The following LEF1 variants were observed in gnomAD, a reference collection of about 807,000 sequenced individuals.
The protein encoded by LEF1 is lymphoid enhancer binding factor 1.
Under a neutral mutation model 51.2 loss-of-function variants are expected in LEF1, and 14 were observed. The ratio of observed to expected loss-of-function variants is 0.27; its 90% CI spans 0.18 to 0.43. The LOEUF (loss-of-function observed/expected upper bound fraction) is 0.43. Among genes scored for constraint, LEF1 ranks in the 20% least tolerant of loss-of-function variants. LEF1 has a pLI of 1.00. For missense variants in LEF1, 386 were observed against 512.0 expected (o/e 0.75, Z 2.37); for synonymous variants, 185 against 183.2 (o/e 1.01, Z -0.08).
intron 3 of LEF1, among the ~76,000 whole-genome samples, chr4:108,128,352 G>A (rs1439507102): frequency 6.6e-6 from 1 of 151,932 alleles, no homozygotes; most frequent in Non-Finnish European, 1.5e-5. Flanking sequence ...GAACAAAGTG[G>A]AACAAGAGCT....
intron 4 of LEF1, among the ~76,000 whole-genome samples, chr4:108,083,810 C>T (rs981242118): frequency 6.6e-6 from 1 of 152,156 alleles, no homozygotes; most frequent in Non-Finnish European, 1.5e-5. Flanking sequence ...TGGAAAATGA[C>T]AGCCCTTCGT....
chr4:108,067,463 G>A (rs886620694), intron 9 of LEF1, among the ~76,000 whole-genome samples: 1 of 151,628 alleles, frequency 6.6e-6, no homozygotes, highest in African/African-American at 2.4e-5. Context: ...AAGGTCATAT[G>A]AGGAAGATTA....
At chr4:108,126,920 C>T (rs1157863852) in intron 3 of LEF1, among the ~76,000 whole-genome samples, 3 of 148,950 alleles carry the variant, frequency 2.0e-5, no homozygotes, top group Non-Finnish European at 4.5e-5. Flanking sequence ...GCTAGTCATA[C>T]AAACATGATC....
chr4:108,148,153 C>T, intron 3 of LEF1, among the ~76,000 whole-genome samples: 1 of 152,136 alleles, frequency 6.6e-6, no homozygotes, highest in East Asian at 1.9e-4. Context: ...TCTTACCAAC[C>T]ATCAGTTAAC....
At chr4:108,130,871 AT>A (rs982777556) in intron 3 of LEF1, among the ~76,000 whole-genome samples, 1 of 152,078 alleles carries the variant, frequency 6.6e-6, no homozygotes, top group South Asian at 2.1e-4. Flanking sequence ...GGCATACAAA[AT>A]TTTTTTTCTT....
At chr4:108,159,753 G>T (rs1477243889) in intron 3 of LEF1, among the ~76,000 whole-genome samples, 1 of 152,146 alleles carries the variant, frequency 6.6e-6, no homozygotes, top group Non-Finnish European at 1.5e-5. Context: ...CCAAAGTGTT[G>T]ATTCCCTTAA....
chr4:108,058,708 A>G lies in LEF1; in HGVS notation c.*6+4915T>C, dbSNP rs1046217152. On this transcript the variant is annotated intron_variant, in intron 11 of 11. Transcript: ENST00000265165. ...GCCACTTCTTCACAGCATAAAACATACTCTTTTATAACTACCCACTTAATA... is the reference window on the plus strand; with the variant it reads ...GCCACTTCTTCACAGCATAAAACATGCTCTTTTATAACTACCCACTTAATA... Among the ~76,000 whole-genome samples the G allele has an allele frequency of 5.3e-5, 8 of 152,118 alleles. No homozygotes were observed. The East Asian group carries it at 1.5e-3, about 29-fold the overall frequency.
chr4:108,118,396 A>G (rs1238615987), intron 3 of LEF1, among the ~76,000 whole-genome samples: 1 of 152,240 alleles, frequency 6.6e-6, no homozygotes, highest in Non-Finnish European at 1.5e-5. Flanking sequence ...TTTATACAAA[A>G]ATGATTTTGA....
chr4:108,145,927 T>C (rs557273187), intron 3 of LEF1, among the ~76,000 whole-genome samples: 1 of 152,222 alleles, frequency 6.6e-6, no homozygotes, highest in African/African-American at 2.4e-5. Context: ...ACTGTGATGA[T>C]GGCTGCACTA....
chr4:108,118,634 CAG>C lies in LEF1; in HGVS notation c.415-29379_415-29378del, dbSNP rs1056989073. On this transcript the variant is annotated intron_variant, in intron 3 of 11. Coordinates refer to ENST00000265165, the MANE Select transcript of LEF1 (RefSeq NM_016269.5). ...TCTTAGATGATTGTCAGGTAGAAGA[CAG>C]AGATTTCAAATAGTTTGTTTACCTA... Among the ~76,000 whole-genome samples the C allele has an allele frequency of 4.6e-5, 7 of 152,260 alleles. No homozygotes were observed. The South Asian group carries it at 8.3e-4, about 18-fold the overall frequency.
At chr4:108,157,176 A>ATATATG (rs1247839337) in intron 3 of LEF1, among the ~76,000 whole-genome samples, 1 of 82,072 alleles carries the variant, frequency 1.2e-5, no homozygotes, top group African/African-American at 4.3e-5. Flanking sequence ...CTCTATATAT[A>ATATATG]TATACACACA....
At chr4:108,116,436 T>C (rs1741846089) in intron 3 of LEF1, among the ~76,000 whole-genome samples, 1 of 152,146 alleles carries the variant, frequency 6.6e-6, no homozygotes, top group African/African-American at 2.4e-5. Flanking sequence ...GTGGGAGGAC[T>C]GCTTGCGCCC....
chr4:108,123,444 T>G (rs1197255229), intron 3 of LEF1, among the ~76,000 whole-genome samples: 1 of 148,726 alleles, frequency 6.7e-6, no homozygotes. Context: ...TTTTTTTTTT[T>G]TTTTTTTTTT....
intron 3 of LEF1, among the ~76,000 whole-genome samples, chr4:108,154,769 T>C (rs574070188): frequency 1.3e-5 from 2 of 152,264 alleles, no homozygotes; most frequent in African/African-American, 4.8e-5. Context: ...AAAGATGATA[T>C]GACCATAATT....
At chr4:108,093,037 T>A (rs1199862076) in intron 3 of LEF1, among the ~76,000 whole-genome samples, 1 of 151,484 alleles carries the variant, frequency 6.6e-6, no homozygotes, top group Non-Finnish European at 1.5e-5. Context: ...AGTATATGCC[T>A]TTTTATTATG....
chr4:108,123,698 T>C (rs1349759541), intron 3 of LEF1, among the ~76,000 whole-genome samples: 1 of 152,172 alleles, frequency 6.6e-6, no homozygotes, highest in Non-Finnish European at 1.5e-5. Context: ...TTTGTGTGTG[T>C]GTGTGAGTAA....
intron 3 of LEF1, among the ~76,000 whole-genome samples, chr4:108,122,681 C>T (rs1381518458): frequency 6.6e-6 from 1 of 151,650 alleles, no homozygotes; most frequent in Admixed American, 6.6e-5. Flanking sequence ...ACATGGGGTC[C>T]CACTATGTTG....
chr4:108,159,104 G>C (rs954633984), intron 3 of LEF1, among the ~76,000 whole-genome samples: 1 of 152,040 alleles, frequency 6.6e-6, no homozygotes, highest in Non-Finnish European at 1.5e-5. Context: ...TGCAATATTA[G>C]CTCTGCAAGG....
At chr4:108,147,869 T>G (rs191997539) in intron 3 of LEF1, among the ~76,000 whole-genome samples, 1 of 152,346 alleles carries the variant, frequency 6.6e-6, no homozygotes, top group East Asian at 1.9e-4. Flanking sequence ...AAGTGGCTAA[T>G]CCTGGATTTG....
Sources: gnomAD v4.1 joint callset for allele counts (sites outside exome capture counted in the v4.1 genomes callset) on GRCh38, gnomAD v4.1.1 for gene constraint, MANE v1.5 for transcripts, NCBI Gene and HGNC (gene_info 2026-07-23, HGNC 2026-07-21) for gene names.